Variants in KMT2E observed in about 807,000 individuals in gnomAD.
KMT2E encodes the protein histone reader KMT2E.
Under a neutral mutation model 184.6 loss-of-function variants are expected in KMT2E, and 30 were observed. The ratio of observed to expected loss-of-function variants is 0.16; its 90% confidence interval spans 0.12 to 0.22. KMT2E has a LOEUF of 0.22. KMT2E is among the 10% of genes least tolerant of loss of function. The pLI, the probability that KMT2E is intolerant of heterozygous loss-of-function variation, is 1.00. For synonymous variants in KMT2E, 815 were observed against 776.5 expected (o/e 1.05, Z -0.82); for missense variants, 2,023 against 2,237.4 (o/e 0.90, Z 1.93).
rs1360862665 is a variant in KMT2E at position 105,111,177 on chromosome 7, C to T, written c.4068+309C>T. The T allele has an allele frequency of 1.5e-5, 4 of 263,192 alleles. No homozygotes were observed. The South Asian group carries it at 4.2e-4, about 28-fold the overall frequency. 16.3% of individuals were successfully genotyped at this position (263,192 alleles called of 1,614,324 possible). ...CATAGCCTTGTCATGAAATTCTTAA[C>T]CATCCAATTATCTAAAAACAAAAGG... On this transcript the variant is annotated intron_variant, in intron 26 of 26. Coordinates refer to ENST00000311117, the MANE Select transcript of KMT2E (RefSeq NM_182931.3).
At position 105,074,780 on chromosome 7, in the gene KMT2E, G is replaced by C; in HGVS notation, c.694G>C (p.Gly232Arg). Residue 232 changes from glycine (G) to arginine (R), a missense_variant, in exon 8 of 27, where the codon GGG becomes CGG. Gly to Arg is a moderately radical substitution (Grantham distance 125, BLOSUM62 -2). This residue lies in a region of KMT2E where 191 missense variants were observed against 209.0 expected (regional missense o/e 0.91). Transcript: ENST00000311117. Reference sequence around the variant, plus strand: ...TAATGATAAAAGAAGGAAAAAAAGCGGGGAGAAAGAACAACACATTTCAAA... The same window carrying C: ...TAATGATAAAAGAAGGAAAAAAAGCCGGGAGAAAGAACAACACATTTCAAA... ...KVNDKRRKKS[G>R]EKEQHISKCK... 6.2e-7 allele frequency: 1 copy of C among 1,607,416 alleles called. No individual in the cohort carries two copies. Among genetic ancestry groups the C allele is most frequent in the Non-Finnish European group, 8.5e-7 (1 of 1,177,836 alleles).
chr7:105,051,155 CCCTTTCTTCCTT>C (rs1161668585), intron 3 of KMT2E, among the ~76,000 whole-genome samples: 1 of 148,826 alleles, frequency 6.7e-6, no homozygotes, highest in African/African-American at 2.5e-5. Context: ...CTTCCTTCCT[CCCTTTCTTCCTT>C]CCTTCCTTCC....
At chr7:105,072,165 A>G (rs560873052) in intron 6 of KMT2E, among the ~76,000 whole-genome samples, 4 of 152,086 alleles carry the variant, frequency 2.6e-5, no homozygotes, top group African/African-American at 7.2e-5. Context: ...TACAAAAACA[A>G]GAGTTAGCCA....
chr7:105,067,081 A>AAG (rs1797060036), intron 6 of KMT2E, among the ~76,000 whole-genome samples: 1 of 149,500 alleles, frequency 6.7e-6, no homozygotes, highest in Admixed American at 6.7e-5. Flanking sequence ...AAAAAAAAAA[A>AAG]AAAGAAAAAG....
Position 105,107,471 on chromosome 7 carries a change from G to A in KMT2E, c.3014G>A (p.Ser1005Asn). 6.2e-7 allele frequency: 1 copy of A among 1,614,154 alleles called. No individual in the cohort carries two copies. The highest frequency in any genetic ancestry group is 8.5e-7 in the Non-Finnish European group (1 of 1,180,012). The change falls in exon 22 of 27, where the codon AGT becomes AAT. Residue 1005 changes from serine to asparagine, a missense_variant. Transcript: ENST00000311117. ...ACTATTGGTTATACGAGCCCTAGGA[G>A]TAGGACTGAAGTCAACAGGCAGTGT... ...IKTIGYTSPRSRTEVNRQCPG... is the reference protein window; with the variant it reads ...IKTIGYTSPRNRTEVNRQCPG...
chr7:105,022,474 G>A (rs558848338), intron 1 of KMT2E, among the ~76,000 whole-genome samples: 1 of 151,780 alleles, frequency 6.6e-6, no homozygotes, highest in Non-Finnish European at 1.5e-5. Flanking sequence ...TCGTCTGGAG[G>A]CATATGATGT....
At chr7:105,105,164 CAAA>C (rs996640075) in intron 17 of KMT2E, 5 of 234,328 alleles carry the variant, frequency 2.1e-5, no homozygotes, top group Non-Finnish European at 4.0e-5. Context: ...TATCTTGTCT[CAAA>C]AAAAAAAGTA....
Position 105,014,241 on chromosome 7 carries a change from G to A in KMT2E, c.-483G>A. On this transcript the variant is annotated 5_prime_UTR_variant, in exon 1 of 27. Coordinates refer to ENST00000311117, the MANE Select transcript of KMT2E (RefSeq NM_182931.3). ...CAGTGACACTGAGCGGGCGCAGGGG[G>A]CCGAGTCGGAGACCGTGCCGGAGTT... 5.3e-6 allele frequency: 1 copy of A among 187,418 alleles called. No homozygotes were observed. Among genetic ancestry groups the A allele is most frequent in the Non-Finnish European group, 1.1e-5 (1 of 93,974 alleles). 11.6% of individuals were successfully genotyped at this position (187,418 alleles called of 1,614,324 possible).
Position 105,113,160 on chromosome 7 carries a change from A to G in KMT2E, c.5404A>G (p.Ser1802Gly), listed in dbSNP as rs1299836334. 2 of 1,614,216 alleles carry G rather than the reference A, an allele frequency of 1.2e-6. No homozygotes were observed. The highest frequency in any genetic ancestry group is 1.3e-5 in the African/African-American group (1 of 75,054). Residue 1802 changes from serine to glycine, a missense_variant, in exon 27 of 27, where the codon AGT becomes GGT. Physicochemically the swap from Ser to Gly is moderately conservative, Grantham distance 56. Coordinates refer to ENST00000311117, the MANE Select transcript of KMT2E (RefSeq NM_182931.3). ...GPHLQPQGPN[S>G]IPTPTASGFC... ...TCATCTCCAGCCCCAAGGACCAAACAGTATTCCAACACCTACTGCTTCAGG... is the reference window on the plus strand; with the variant it reads ...TCATCTCCAGCCCCAAGGACCAAACGGTATTCCAACACCTACTGCTTCAGG...
chr7:105,027,608 CACAG>C (rs1269083909), intron 1 of KMT2E, among the ~76,000 whole-genome samples: 1 of 152,082 alleles, frequency 6.6e-6, no homozygotes, highest in Non-Finnish European at 1.5e-5. Context: ...GTGTAAAGTG[CACAG>C]ACATTTTCTT....
At chr7:105,059,436 T>C (rs1796701669) in intron 3 of KMT2E, among the ~76,000 whole-genome samples, 1 of 152,242 alleles carries the variant, frequency 6.6e-6, no homozygotes, top group Non-Finnish European at 1.5e-5. Context: ...AAAGGCAGTT[T>C]GGTAGTATCA....
At chr7:105,018,384 A>G (rs368692624) in intron 1 of KMT2E, among the ~76,000 whole-genome samples, 1 of 152,192 alleles carries the variant, frequency 6.6e-6, no homozygotes, top group African/African-American at 2.4e-5. Context: ...TAATGTGTAA[A>G]AGCTTTTATC....
intron 3 of KMT2E, among the ~76,000 whole-genome samples, chr7:105,048,134 C>CCAAGCA (rs758990492): frequency 3.9e-5 from 6 of 152,030 alleles, no homozygotes; most frequent in Non-Finnish European, 8.8e-5. Flanking sequence ...CCTCCCAGGC[C>CCAAGCA]CAAGCAGTCG....
chr7:105,026,642 G>A (rs767645049), intron 1 of KMT2E, among the ~76,000 whole-genome samples: 6 of 152,098 alleles, frequency 3.9e-5, no homozygotes, highest in African/African-American at 7.2e-5. Flanking sequence ...AGTATTAATC[G>A]TTAGCTATAC....
chr7:105,072,389 T>A (rs1366525927), intron 6 of KMT2E, among the ~76,000 whole-genome samples: 2 of 152,136 alleles, frequency 1.3e-5, no homozygotes, highest in Non-Finnish European at 2.9e-5. Context: ...GAGAGATATG[T>A]TTATTATTCT....
chr7:105,034,518 C>CA (rs1795552979), intron 1 of KMT2E, among the ~76,000 whole-genome samples: 1 of 152,094 alleles, frequency 6.6e-6, no homozygotes, highest in Admixed American at 6.5e-5. Context: ...AGACGTGAGC[C>CA]AACACACCTG....
At chr7:105,064,197 G>C (rs983338071) in intron 5 of KMT2E, 2 of 226,546 alleles carry the variant, frequency 8.8e-6, no homozygotes, top group Non-Finnish European at 1.7e-5. Flanking sequence ...TTTTTTGACT[G>C]GGGGGAAGGA....
Position 105,077,168 on chromosome 7 carries a change from A to G in KMT2E, c.974A>G (p.Asn325Ser), listed in dbSNP as rs148942943. 8.7e-6 allele frequency: 14 copies of G among 1,613,776 alleles called. No homozygotes were observed. In the African/African-American group the frequency reaches 1.5e-4, roughly 17 times the overall value. The change falls in exon 10 of 27, where the codon AAT becomes AGT. Residue 325 changes from asparagine to serine, a missense_variant. Around this residue, in one of 8 missense-constraint regions of KMT2E, gnomAD observed 191 missense variants for 209.0 expected, o/e 0.91. Transcript: ENST00000311117. ...AATAAATCCGATTTGAATACCAACA[A>G]TTTGCTCTTCAAACCTCCTGTAGAG... ...EMNKSDLNTN[N>S]LLFKPPVESH...
chr7:105,081,396 TAAG>T (rs989145533), intron 12 of KMT2E, among the ~76,000 whole-genome samples: 21 of 150,750 alleles, frequency 1.4e-4, no homozygotes, highest in Admixed American at 5.3e-4. Flanking sequence ...AAAATAAAAA[TAAG>T]AAGAATTGAT....
Sources: gnomAD v4.1 joint callset for allele counts (sites outside exome capture counted in the v4.1 genomes callset) on GRCh38, gnomAD v4.1.1 for gene constraint, gnomAD v4.1.1 regional missense constraint, MANE v1.5 for transcripts, NCBI Gene and HGNC (gene_info 2026-07-23, HGNC 2026-07-21) for gene names.